CYP4X1: variants seen among roughly 807,000 people sequenced by gnomAD.
CYP4X1 encodes the protein cytochrome P450 4X1.
A neutral mutation model predicts 57.9 loss-of-function variants in CYP4X1; 44 were observed. That is an observed-to-expected ratio of 0.76 (90% CI 0.60 to 0.98). The LOEUF (loss-of-function observed/expected upper bound fraction) is 0.98. Ranked by LOEUF, CYP4X1 falls within the 50% of genes least tolerant of loss-of-function variation. CYP4X1 has a pLI of 0.00. For synonymous variants in CYP4X1, 227 were observed against 228.6 expected, an observed-to-expected ratio of 0.99 and a Z score of 0.06; for missense variants, 532 against 623.9, an observed-to-expected ratio of 0.85 and a Z score of 1.57.
chr1:47,025,065 A>C (rs1644047370), intron 1 of CYP4X1, among the ~76,000 whole-genome samples: 1 of 152,164 alleles, frequency 6.6e-6, no homozygotes, highest in Non-Finnish European at 1.5e-5. Context: ...TTGAAATTTG[A>C]TTCCCAATGT....
the CYP4X1 span, among the ~76,000 whole-genome samples, chr1:46,997,297 T>G: frequency 6.6e-6 from 1 of 152,218 alleles, no homozygotes; most frequent in Non-Finnish European, 1.5e-5. Context: ...CACCGGGGTT[T>G]GGACTTCTAC....
At chr1:46,978,977 G>T in the CYP4X1 span, among the ~76,000 whole-genome samples, 1 of 151,924 alleles carries the variant, frequency 6.6e-6, no homozygotes, top group African/African-American at 2.4e-5. Context: ...TTTAAAGGAG[G>T]GTGTAGAGGG....
At chr1:47,006,842 G>A in the CYP4X1 span, among the ~76,000 whole-genome samples, 1 of 152,222 alleles carries the variant, frequency 6.6e-6, no homozygotes, top group Non-Finnish European at 1.5e-5. Flanking sequence ...TGCTAGCACA[G>A]CAGTCAGATC....
the CYP4X1 span, among the ~76,000 whole-genome samples, chr1:46,980,714 A>T: frequency 6.6e-6 from 1 of 152,180 alleles, no homozygotes; most frequent in African/African-American, 2.4e-5. Context: ...ACATCATACT[A>T]CCTGACTTCA....
At chr1:47,013,622 GACTT>G in the CYP4X1 span, among the ~76,000 whole-genome samples, 1 of 152,120 alleles carries the variant, frequency 6.6e-6, no homozygotes, top group Non-Finnish European at 1.5e-5. Context: ...TAAGGCATTT[GACTT>G]ACTATTGAGT....
At chr1:47,047,243 C>G (rs542544066) in intron 9 of CYP4X1, among the ~76,000 whole-genome samples, 1 of 152,086 alleles carries the variant, frequency 6.6e-6, no homozygotes, top group African/African-American at 2.4e-5. Context: ...TAGAGTTCTT[C>G]GGAACAACAC....
chr1:46,982,699 G>T, the CYP4X1 span, among the ~76,000 whole-genome samples: 1 of 152,208 alleles, frequency 6.6e-6, no homozygotes, highest in Non-Finnish European at 1.5e-5. Context: ...ATGGCCAGTA[G>T]GTAGGCTCTT....
the CYP4X1 span, among the ~76,000 whole-genome samples, chr1:47,013,856 G>A: frequency 6.7e-6 from 1 of 148,808 alleles, no homozygotes; most frequent in South Asian, 2.1e-4. Flanking sequence ...TATGCCTCCT[G>A]GGTTCAAGCA....
chr1:47,055,225 TG>T (rs2148519801), downstream of CYP4X1, among the ~76,000 whole-genome samples: 1 of 152,380 alleles, frequency 6.6e-6, no homozygotes, highest in South Asian at 2.1e-4. Context: ...TTATGTTTAT[TG>T]ATTTTCATAT....
chr1:47,049,976 AC>A, intron 11 of CYP4X1, 23 bp from the exon 12 acceptor site: 2 of 1,604,620 alleles, frequency 1.2e-6, no homozygotes, highest in African/African-American at 2.7e-5. Context: ...TTCAAGTATC[AC>A]TTTCTTTCCC....
intron 6 of CYP4X1, among the ~76,000 whole-genome samples, chr1:47,036,387 C>T (rs11589429): frequency 0.36 from 47,446 of 130,150 alleles, 10,746 homozygotes; most frequent in East Asian, 0.96. Context: ...TATATATATA[C>T]ACTATTTTTA....
chr1:46,980,031 G>A, the CYP4X1 span, among the ~76,000 whole-genome samples: 2 of 152,126 alleles, frequency 1.3e-5, no homozygotes, highest in Non-Finnish European at 2.9e-5. Flanking sequence ...ATACTGAATG[G>A]GCAAAACTGG....
chr1:47,050,250 A>T lies in CYP4X1; in HGVS notation c.*76A>T. On this transcript the variant is annotated 3_prime_UTR_variant, in exon 12 of 12. Transcript: ENST00000371901. The stretch of plus-strand genomic sequence containing the variant: ...CAGCTAATGATCCAAGCAGATAGAA[A>T]GGGATCAATGTATGGTGGGAGGATT... 1 of 1,528,654 alleles carries T rather than the reference A, an allele frequency of 6.5e-7. No homozygotes were observed. Among genetic ancestry groups the T allele is most frequent in the Non-Finnish European group, 9.0e-7 (1 of 1,115,258 alleles). 94.7% of individuals were successfully genotyped at this position (1,528,654 alleles called of 1,614,324 possible). A position where few individuals can be genotyped will look rare whatever the true frequency, so the allele number is the denominator to read the frequency against.
the CYP4X1 span, among the ~76,000 whole-genome samples, chr1:46,975,529 T>G: frequency 6.6e-6 from 1 of 152,162 alleles, no homozygotes; most frequent in South Asian, 2.1e-4. Flanking sequence ...TCCTGAAATG[T>G]CTACTCTTAG....
chr1:47,007,280 G>A, the CYP4X1 span, among the ~76,000 whole-genome samples: 2 of 152,168 alleles, frequency 1.3e-5, no homozygotes, highest in Non-Finnish European at 2.9e-5. Context: ...AACATCCGCT[G>A]TTCTGCAGCC....
chr1:46,962,108 GTCTT>G, the CYP4X1 span, among the ~76,000 whole-genome samples: 4 of 151,988 alleles, frequency 2.6e-5, no homozygotes, highest in African/African-American at 7.2e-5. Flanking sequence ...TCTTTTTTCT[GTCTT>G]TCTTTCTTTC....
chr1:47,036,398 T>G (rs1644184389), intron 6 of CYP4X1, among the ~76,000 whole-genome samples: 3 of 84,812 alleles, frequency 3.5e-5, no homozygotes, highest in African/African-American at 1.2e-4. Flanking sequence ...ACTATTTTTA[T>G]TATGGACAAT....
chr1:47,048,656 C>T, intron 10 of CYP4X1, 27 bp downstream of exon 10: 1 of 1,593,706 alleles, frequency 6.3e-7, no homozygotes, highest in Non-Finnish European at 8.5e-7. Flanking sequence ...TACATAAATA[C>T]TTCCAAGAAC....
the CYP4X1 span, among the ~76,000 whole-genome samples, chr1:46,985,063 TC>T: frequency 1.3e-5 from 2 of 152,106 alleles, no homozygotes; most frequent in Admixed American, 1.3e-4. Flanking sequence ...TAGGTGGTTT[TC>T]CCCTCACAGT....
Sources: allele counts gnomAD v4.1 joint callset (sites outside exome capture counted in the v4.1 genomes callset), GRCh38; gene constraint gnomAD v4.1.1; transcripts MANE v1.5; gene names NCBI Gene and HGNC (gene_info 2026-07-23, HGNC 2026-07-21).